The following EPB41L2 variants were observed in gnomAD, a reference collection of about 807,000 sequenced individuals.
EPB41L2 encodes band 4.1-like protein 2.
EPB41L2 carries 43 observed loss-of-function variants against 113.0 expected under a neutral mutation model. The observed-to-expected ratio is 0.38, with a 90% CI of 0.30 to 0.49. The LOEUF (loss-of-function observed/expected upper bound fraction) is 0.49. Among genes scored for constraint, EPB41L2 ranks in the 20% least tolerant of loss-of-function variants. The probability of loss-of-function intolerance (pLI) is 0.95; values close to 1 mark genes in which losing one functional copy is unlikely to be tolerated. For synonymous variants in EPB41L2, 442 were observed against 436.7 expected (o/e 1.01, Z -0.15); for missense variants, 1,147 against 1,223.4 (o/e 0.94, Z 0.93).
intron 13 of EPB41L2, among the ~76,000 whole-genome samples, chr6:130,879,855 A>T (rs1788709318): frequency 1.3e-5 from 2 of 152,220 alleles, no homozygotes; most frequent in African/African-American, 4.8e-5. Flanking sequence ...TTAGGAGAGA[A>T]TAGGTTTACT....
At chr6:130,895,781 T>C (rs777216046) in intron 8 of EPB41L2, among the ~76,000 whole-genome samples, 33 of 152,354 alleles carry the variant, frequency 2.2e-4, no homozygotes, top group Middle Eastern at 3.4e-3. Flanking sequence ...AAGTTATTAA[T>C]AGTTTTCTTT....
At chr6:131,040,416 G>A (rs1261777488) in intron 1 of EPB41L2, among the ~76,000 whole-genome samples, 1 of 152,150 alleles carries the variant, frequency 6.6e-6, no homozygotes, top group Non-Finnish European at 1.5e-5. Flanking sequence ...TCCAGCCTGG[G>A]CAACAGAACG....
chr6:130,854,531 C>T (rs1007597751), intron 19 of EPB41L2, among the ~76,000 whole-genome samples: 1 of 152,084 alleles, frequency 6.6e-6, no homozygotes, highest in African/African-American at 2.4e-5. Flanking sequence ...ATAAGTGATA[C>T]AATGAATTCA....
In EPB41L2 at chr6:130,867,489, C is replaced by A; in HGVS notation, c.2700G>T (p.Glu900Asp). The change falls in exon 16 of 20, where the codon GAG becomes GAT. Residue 900 changes from glutamate to aspartate, a missense_variant. By Grantham distance (45) the Glu-to-Asp change is conservative. Transcript: ENST00000337057. ...STKEVPIVQT[E>D]TKTITYESPQ... The stretch of plus-strand genomic sequence containing the variant: ...GAGACTCATATGTGATGGTTTTGGT[C>A]TCAGTTTGGACAATGGGGACTTCCT... The A allele has an allele frequency of 6.2e-7, 1 of 1,614,004 alleles. No individual in the cohort carries two copies. Among genetic ancestry groups the A allele is most frequent in the South Asian group, 1.1e-5 (1 of 91,074 alleles).
At chr6:130,959,737 G>T (rs1467000661) in intron 1 of EPB41L2, among the ~76,000 whole-genome samples, 1 of 152,100 alleles carries the variant, frequency 6.6e-6, no homozygotes, top group South Asian at 2.1e-4. Context: ...CTTTAATCAT[G>T]AAATAACCAA....
At chr6:130,861,402 T>C (rs1382455529) in intron 18 of EPB41L2, among the ~76,000 whole-genome samples, 4 of 152,116 alleles carry the variant, frequency 2.6e-5, no homozygotes, top group Admixed American at 6.6e-5. Flanking sequence ...GGCAAGGAAC[T>C]GAAAAAGATG....
At position 131,052,702 on chromosome 6, in the gene EPB41L2, G is replaced by T. The variant is rs73775903; in HGVS notation, c.-15+10453C>A. Among the ~76,000 whole-genome samples the T allele has an allele frequency of 4.1e-3, 621 of 152,128 alleles. 8 individuals carry two copies. The highest frequency in any genetic ancestry group is 0.014 in the African/African-American group (597 of 41,504). The stretch of plus-strand genomic sequence containing the variant: ...GGAAGAGAGGAGAAAATGGGAAGAG[G>T]GAGTTAGTAAGGAAGCTAACTAGAG... On this transcript the variant is annotated intron_variant, in intron 1 of 19. Coordinates refer to ENST00000337057, the MANE Select transcript of EPB41L2 (RefSeq NM_001431.4).
chr6:130,876,640 A>G, intron 14 of EPB41L2: 1 of 1,228,620 alleles, frequency 8.1e-7, no homozygotes, highest in Non-Finnish European at 1.1e-6. Flanking sequence ...AGGGGGAAAA[A>G]GCAAGAGTAG....
At chr6:131,022,676 G>A (rs575079098) in intron 1 of EPB41L2, among the ~76,000 whole-genome samples, 44 of 152,282 alleles carry the variant, frequency 2.9e-4, no homozygotes, top group African/African-American at 1.0e-3. Context: ...TTATATCACT[G>A]TGCCAGGTAA....
chr6:130,877,385 A>G (rs988891735), intron 14 of EPB41L2, among the ~76,000 whole-genome samples: 3 of 152,212 alleles, frequency 2.0e-5, no homozygotes, highest in African/African-American at 7.2e-5. Context: ...TTCTTGGTCA[A>G]TAACAGGAGG....
chr6:131,022,874 A>G (rs578187387), intron 1 of EPB41L2, among the ~76,000 whole-genome samples: 20 of 152,222 alleles, frequency 1.3e-4, no homozygotes, highest in Admixed American at 2.0e-4. Context: ...TTAAGTAATC[A>G]AACATGTTTC....
chr6:130,939,483 G>A (rs1810032307), intron 3 of EPB41L2, among the ~76,000 whole-genome samples: 1 of 152,024 alleles, frequency 6.6e-6, no homozygotes, highest in Non-Finnish European at 1.5e-5. Flanking sequence ...TCAAACTCCT[G>A]ACCTCGTGAT....
intron 4 of EPB41L2, among the ~76,000 whole-genome samples, chr6:130,913,722 A>C (rs984603795): frequency 1.3e-5 from 2 of 152,200 alleles, no homozygotes; most frequent in African/African-American, 4.8e-5. Flanking sequence ...TAAAAAAAAA[A>C]TGACTTAAAT....
At chr6:130,928,577 C>T (rs1474540389) in intron 3 of EPB41L2, among the ~76,000 whole-genome samples, 1 of 152,236 alleles carries the variant, frequency 6.6e-6, no homozygotes, top group Admixed American at 6.5e-5. Context: ...CAAGTCAACT[C>T]TTACTAATAA....
chr6:131,009,006 T>G (rs1786282780), intron 1 of EPB41L2, among the ~76,000 whole-genome samples: 1 of 152,196 alleles, frequency 6.6e-6, no homozygotes, highest in Non-Finnish European at 1.5e-5. Flanking sequence ...TTTGGGGGAT[T>G]GTTGGAAGGA....
chr6:131,049,945 C>G (rs1796204762), intron 1 of EPB41L2, among the ~76,000 whole-genome samples: 1 of 152,188 alleles, frequency 6.6e-6, no homozygotes, highest in African/African-American at 2.4e-5. Context: ...GAGACCTTGG[C>G]TGTGCCTGAA....
intron 6 of EPB41L2, among the ~76,000 whole-genome samples, chr6:130,903,513 A>G (rs756738715): frequency 1.2e-4 from 19 of 152,122 alleles, no homozygotes; most frequent in Admixed American, 5.2e-4. Flanking sequence ...TTGATGTCTG[A>G]CAACAAAACT....
intron 1 of EPB41L2, among the ~76,000 whole-genome samples, chr6:131,057,153 TTC>T (rs1797761352): frequency 1.3e-5 from 2 of 152,198 alleles, no homozygotes; most frequent in Non-Finnish European, 2.9e-5. Context: ...TCTCAATCTT[TTC>T]TGTTTCCCAA....
chr6:131,034,441 C>G (rs1222194343), intron 1 of EPB41L2, among the ~76,000 whole-genome samples: 1 of 152,128 alleles, frequency 6.6e-6, no homozygotes, highest in South Asian at 2.1e-4. Context: ...AACCTCGTAT[C>G]TACAAAAAGT....
Sources: gnomAD v4.1 joint callset for allele counts (sites outside exome capture counted in the v4.1 genomes callset) on GRCh38, gnomAD v4.1.1 for gene constraint, MANE v1.5 for transcripts, NCBI Gene and HGNC (gene_info 2026-07-23, HGNC 2026-07-21) for gene names.